Variants in ACTL8 observed in about 807,000 individuals in gnomAD.
ACTL8 encodes the protein actin like 8.
ACTL8 carries 3 observed loss-of-function variants against 9.3 expected under a neutral mutation model. That is an observed-to-expected ratio of 0.32 (90% CI 0.15 to 0.83). The LOEUF is 0.83. Ranked by LOEUF, ACTL8 falls within the 40% of genes least tolerant of loss-of-function variation. ACTL8 has a pLI of 0.57. For synonymous variants in ACTL8, 224 were observed against 205.9 expected, an observed-to-expected ratio of 1.09 and a Z score of -0.75; for missense variants, 381 against 492.2, an observed-to-expected ratio of 0.77 and a Z score of 2.14.
At chr1:17,812,674 G>A (rs2066401410) in intron 1 of ACTL8, among the ~76,000 whole-genome samples, 1 of 149,268 alleles carries the variant, frequency 6.7e-6, no homozygotes, top group Non-Finnish European at 1.5e-5. Context: ...TTGTATTTTA[G>A]TAGAGATGGG....
Position 17,825,873 on chromosome 1 carries a change from AT to A in ACTL8, c.456del (p.Tyr152Ter). ...ACCGGAGTGGTGGTTGATTCTGGCT[AT>A]GGCCTGACCCGCGTGCAGCCTTTCC... ...LLTGVVVDSG[Y>X]GLTRVQPFHQ... On this transcript the variant is annotated frameshift_variant, in exon 3 of 3. Transcript: ENST00000375406. LOFTEE classifies it low-confidence loss of function (END_TRUNC). 1 of 1,613,884 alleles carries A rather than the reference AT, an allele frequency of 6.2e-7. No individual in the cohort carries two copies. Among genetic ancestry groups the A allele is most frequent in the Non-Finnish European group, 8.5e-7 (1 of 1,180,028 alleles).
At position 17,826,164 on chromosome 1, in the gene ACTL8, C is replaced by T; in HGVS notation, c.746C>T (p.Thr249Ile). Reference protein sequence around the residue: ...QLPDGSRVELTPMQRVAPEMF... With the variant: ...QLPDGSRVELIPMQRVAPEMF... Reference sequence around the variant, plus strand: ...CCAGACGGCTCCCGCGTGGAGCTGACCCCCATGCAGCGGGTGGCTCCTGAG... The same window carrying T: ...CCAGACGGCTCCCGCGTGGAGCTGATCCCCATGCAGCGGGTGGCTCCTGAG... The change falls in exon 3 of 3, where the codon ACC becomes ATC. Residue 249 changes from threonine (T) to isoleucine (I), a missense_variant. By Grantham distance (89) the Thr-to-Ile change is moderately conservative. Around this residue, in one of 3 missense-constraint regions of ACTL8, gnomAD observed 243 missense variants for 276.2 expected, o/e 0.88. Coordinates refer to ENST00000375406, the MANE Select transcript of ACTL8 (RefSeq NM_030812.3). This position sits in a 1 kb window ranked among gnomAD's most constrained non-coding sequence, Gnocchi z 4.5. 1.2e-6 allele frequency: 2 copies of T among 1,612,958 alleles called. No individual in the cohort carries two copies. Among genetic ancestry groups the T allele is most frequent in the South Asian group, 1.1e-5 (1 of 91,074 alleles).
At chr1:17,803,077 C>T (rs987011310) in intron 1 of ACTL8, among the ~76,000 whole-genome samples, 3 of 152,144 alleles carry the variant, frequency 2.0e-5, no homozygotes, top group Admixed American at 1.3e-4. Context: ...TTCCCATAAT[C>T]CCCATATGTT....
intron 1 of ACTL8, among the ~76,000 whole-genome samples, chr1:17,810,054 T>C (rs944780646): frequency 5.3e-5 from 8 of 152,118 alleles, no homozygotes; most frequent in Non-Finnish European, 1.0e-4. Flanking sequence ...CTTAATACAT[T>C]ATTTCTTCTC....
At chr1:17,762,720 T>G (rs1370000308) in intron 1 of ACTL8, among the ~76,000 whole-genome samples, 1 of 152,082 alleles carries the variant, frequency 6.6e-6, no homozygotes, top group East Asian at 1.9e-4. Flanking sequence ...CAAGCTTCTC[T>G]GGTCAGGTTG....
intron 1 of ACTL8, among the ~76,000 whole-genome samples, chr1:17,758,415 C>T (rs1308414275): frequency 1.3e-5 from 2 of 152,116 alleles, no homozygotes; most frequent in Non-Finnish European, 2.9e-5. Context: ...AGTTCTAGGC[C>T]CGGTAGCCAA....
intron 1 of ACTL8, 32 bp from the exon 2 acceptor site, chr1:17,822,953 T>C: frequency 2.0e-6 from 3 of 1,501,562 alleles, no homozygotes; most frequent in Non-Finnish European, 2.7e-6. Context: ...CTAGGCTGCC[T>C]GCACAACTAA....
At chr1:17,762,886 CCA>C (rs894600294) in intron 1 of ACTL8, among the ~76,000 whole-genome samples, 5 of 152,084 alleles carry the variant, frequency 3.3e-5, no homozygotes, top group African/African-American at 1.2e-4. Context: ...TCCTCTGCGT[CCA>C]TGGGGGTGGT....
In ACTL8 at chr1:17,826,861, G is replaced by C. The variant is rs1472100060; in HGVS notation, c.*342G>C. 1 of 178,602 alleles carries C rather than the reference G, an allele frequency of 5.6e-6. No individual in the cohort carries two copies. The highest frequency in any genetic ancestry group is 2.4e-5 in the African/African-American group (1 of 42,430). The allele number at this position is 178,602 out of a possible 1,614,324, so 11.1% of individuals were successfully genotyped here. On this transcript the variant is annotated 3_prime_UTR_variant, in exon 3 of 3. Coordinates refer to ENST00000375406, the MANE Select transcript of ACTL8 (RefSeq NM_030812.3). This position sits in a 1 kb window ranked among gnomAD's most constrained non-coding sequence, Gnocchi z 4.5. Reference sequence around the variant, plus strand: ...CCCCTGGTTTGTCTCATTCTTCTTGGTTGAGTAGGTTTTAACTGGGGTAGC... The same window carrying C: ...CCCCTGGTTTGTCTCATTCTTCTTGCTTGAGTAGGTTTTAACTGGGGTAGC...
intron 1 of ACTL8, among the ~76,000 whole-genome samples, chr1:17,759,331 A>G (rs1043642718): frequency 7.2e-5 from 11 of 152,350 alleles, no homozygotes; most frequent in African/African-American, 2.6e-4. Flanking sequence ...ACGTGCTCAC[A>G]GGGCCTGCTC....
chr1:17,766,887 A>G (rs2066048358), intron 1 of ACTL8, among the ~76,000 whole-genome samples: 1 of 152,178 alleles, frequency 6.6e-6, no homozygotes, highest in African/African-American at 2.4e-5. Context: ...GAATGAATGA[A>G]TCTATTATGT....
At chr1:17,784,185 G>A (rs1020549809) in intron 1 of ACTL8, among the ~76,000 whole-genome samples, 2 of 152,182 alleles carry the variant, frequency 1.3e-5, no homozygotes, top group Admixed American at 1.3e-4. Context: ...AAGGTGAAGG[G>A]GAAGCAAGCA....
chr1:17,826,647 C>A lies in ACTL8; in HGVS notation c.*128C>A. On this transcript the variant is annotated 3_prime_UTR_variant, in exon 3 of 3. Transcript: ENST00000375406. The surrounding 1 kb of genome is among the most constrained non-coding windows in gnomAD (Gnocchi z 4.5). ...TGAGCTGGCTTTGGAATTCTAGGGG[C>A]ATGAGGGTATTTTTTAGGTTCTAAG... The A allele has an allele frequency of 2.1e-6, 2 of 960,942 alleles. No homozygotes were observed. The highest frequency in any genetic ancestry group is 2.9e-6 in the Non-Finnish European group (2 of 682,332). 59.5% of individuals were successfully genotyped at this position (960,942 alleles called of 1,614,324 possible).
At chr1:17,825,465 G>A (rs1430903702) in intron 2 of ACTL8, among the ~76,000 whole-genome samples, 1 of 152,126 alleles carries the variant, frequency 6.6e-6, no homozygotes, top group African/African-American at 2.4e-5. Context: ...CCGTGGCCAT[G>A]TTGCTCCTGC....
At chr1:17,820,588 A>T (rs1311731618) in intron 1 of ACTL8, among the ~76,000 whole-genome samples, 2 of 142,926 alleles carry the variant, frequency 1.4e-5, no homozygotes, top group Non-Finnish European at 3.0e-5. Context: ...TTTTTTTGAG[A>T]TGGAGTTTTG....
intron 1 of ACTL8, among the ~76,000 whole-genome samples, chr1:17,799,872 C>T (rs1203879515): frequency 1.3e-5 from 2 of 149,850 alleles, no homozygotes; most frequent in Non-Finnish European, 3.0e-5. Context: ...GTTTCAGGAA[C>T]CACCTTTATG....
In ACTL8 at chr1:17,827,038, C is replaced by T. The variant is rs2053729459; in HGVS notation, c.*519C>T. 1 of 152,500 alleles carries T rather than the reference C, an allele frequency of 6.6e-6. No homozygotes were observed. Among genetic ancestry groups the T allele is most frequent in the Non-Finnish European group, 1.5e-5 (1 of 68,296 alleles). 9.4% of individuals were successfully genotyped at this position (152,500 alleles called of 1,614,324 possible). ...GTGGTTGGATCTTGTTTTATATCTG[C>T]AAATAAATAGCTTGTTTGGAAGCAA... is the stretch of plus-strand genomic sequence containing the variant. On this transcript the variant is annotated 3_prime_UTR_variant, in exon 3 of 3. Coordinates refer to ENST00000375406, the MANE Select transcript of ACTL8 (RefSeq NM_030812.3).
At position 17,760,781 on chromosome 1, in the gene ACTL8, A is replaced by G. The variant is rs541757383; in HGVS notation, c.-25+5277A>G. On this transcript the variant is annotated intron_variant, in intron 1 of 2. Transcript: ENST00000375406. ...GGGCACTTTGCCCAGCCCCCTGACA[A>G]TCACCTCAGCTGGCATCTTGCCTGT... 9.2e-5 allele frequency among the ~76,000 whole-genome samples: 14 copies of G among 152,184 alleles called. No individual in the cohort carries two copies. The South Asian group carries it at 2.5e-3, about 27-fold the overall frequency.
Position 17,769,070 on chromosome 1 carries a change from T to C in ACTL8, c.-25+13566T>C, listed in dbSNP as rs534480011. The stretch of plus-strand genomic sequence containing the variant: ...AAGTGACTTGGACAAAGTCACATAG[T>C]GAGTCAGTCGCAAAGAAGGTCCTGC... On this transcript the variant is annotated intron_variant, in intron 1 of 2. Coordinates refer to ENST00000375406, the MANE Select transcript of ACTL8 (RefSeq NM_030812.3). Among the ~76,000 whole-genome samples the C allele has an allele frequency of 1.9e-3, 289 of 152,280 alleles. 1 individual carries two copies. Among genetic ancestry groups the C allele is most frequent in the Middle Eastern group, 0.017 (5 of 294 alleles).
Sources: gnomAD v4.1 joint callset for allele counts (sites outside exome capture counted in the v4.1 genomes callset) on GRCh38, gnomAD v4.1.1 for gene constraint, gnomAD v4.1.1 regional missense constraint, Gnocchi (gnomAD v3.1) non-coding constraint, MANE v1.5 for transcripts, NCBI Gene and HGNC (gene_info 2026-07-23, HGNC 2026-07-21) for gene names.